The following SYCP2 variants were observed in gnomAD, a reference collection of about 807,000 sequenced individuals.
SYCP2 encodes synaptonemal complex lateral element protein.
In SYCP2, 55 loss-of-function variants were observed where a neutral mutation model predicts 211.3. The observed-to-expected ratio is 0.26, with a 90% CI of 0.21 to 0.33. The LOEUF (loss-of-function observed/expected upper bound fraction) is 0.33. Ranked by LOEUF, SYCP2 falls within the 10% of genes least tolerant of loss-of-function variation. The pLI is 1.00. For missense variants in SYCP2, 1,731 were observed against 1,752.0 expected (o/e 0.99, Z 0.21); for synonymous variants, 570 against 555.2 (o/e 1.03, Z -0.37).
At position 59,880,974 on chromosome 20, in the gene SYCP2, C is replaced by T; in HGVS notation, c.2764G>A (p.Asp922Asn). 6.8e-7 allele frequency: 1 copy of T among 1,464,474 alleles called. No homozygotes were observed. Among genetic ancestry groups the T allele is most frequent in the Admixed American group, 1.8e-5 (1 of 54,388 alleles). 90.7% of individuals were successfully genotyped at this position (1,464,474 alleles called of 1,614,324 possible). Residue 922 changes from aspartate (D) to asparagine (N), a missense_variant, in exon 30 of 45, where the codon GAT becomes AAT. This residue lies in a region of SYCP2 where 1,387 missense variants were observed against 1,351.3 expected (regional missense o/e 1.03). Transcript: ENST00000357552. The stretch of plus-strand genomic sequence containing the variant: ...GAGATATTATAACTTACTTTTTTAT[C>T]TTTTGTTTTGACAGAAGATTTAAGT... ...DELKSSVKTK[D>N]KKIITNHQKK... is the part of the protein sequence containing the mutation.
At chr20:59,880,516 T>TTATG in intron 30 of SYCP2, 45 bp from the exon 31 acceptor site, 1 of 1,193,676 alleles carries the variant, frequency 8.4e-7, no homozygotes, top group Non-Finnish European at 1.2e-6. Flanking sequence ...CTACATCTCA[T>TTATG]TATGTCATGC....
chr20:59,891,238 A>C (rs1366419371), intron 24 of SYCP2, among the ~76,000 whole-genome samples: 1 of 152,044 alleles, frequency 6.6e-6, no homozygotes, highest in Non-Finnish European at 1.5e-5. Context: ...AGAAATATCA[A>C]AAAGCAGATT....
intron 33 of SYCP2, among the ~76,000 whole-genome samples, chr20:59,875,779 T>C (rs2059542678): frequency 6.6e-6 from 1 of 152,112 alleles, no homozygotes; most frequent in African/African-American, 2.4e-5. Flanking sequence ...GTATTTGAGA[T>C]ACTAAGGAGT....
At chr20:59,882,737 T>C (rs1202965028) in intron 26 of SYCP2, among the ~76,000 whole-genome samples, 5 of 151,878 alleles carry the variant, frequency 3.3e-5, no homozygotes, top group Non-Finnish European at 5.9e-5. Context: ...GTGAATCTTA[T>C]GGAGATAGAG....
rs544508375 is a variant in SYCP2, at chr20:59,917,248, A to G, written c.428-677T>C. Among the ~76,000 whole-genome samples the G allele has an allele frequency of 3.3e-5, 5 of 152,292 alleles. No homozygotes were observed. In the East Asian group the frequency reaches 5.8e-4, roughly 18 times the overall value. On this transcript the variant is annotated intron_variant, in intron 7 of 44. Coordinates refer to ENST00000357552, the MANE Select transcript of SYCP2 (RefSeq NM_014258.4). ...ATACATCAAAAATTTTTATACCCAT[A>G]AAGACCAACACATCTTAACCCCAAT... is the stretch of plus-strand genomic sequence containing the variant.
chr20:59,922,426 T>TAAA lies in SYCP2; in HGVS notation c.-16_-14dup. 1.5e-5 allele frequency: 21 copies of TAAA among 1,428,066 alleles called. No individual in the cohort carries two copies. Among genetic ancestry groups the TAAA allele is most frequent in the Non-Finnish European group, 1.8e-5 (19 of 1,060,606 alleles). The allele number at this position is 1,428,066 out of a possible 1,614,324, so 88.5% of individuals were successfully genotyped here. On this transcript the variant is annotated 5_prime_UTR_variant, in exon 3 of 45. Transcript: ENST00000357552. ...GTCTTATTGGCATTTTGACTTCATT[T>TAAA]AAAAAAAAAAAAAAAGCAAGACAAA...
At chr20:59,883,753 GATGA>G (rs2059731539) in intron 26 of SYCP2, among the ~76,000 whole-genome samples, 1 of 151,912 alleles carries the variant, frequency 6.6e-6, no homozygotes, top group Admixed American at 6.6e-5. Context: ...AGATATGTAG[GATGA>G]ATAAGTCTAG....
chr20:59,932,483 C>A (rs185015810), intron 1 of SYCP2, among the ~76,000 whole-genome samples: 1 of 152,018 alleles, frequency 6.6e-6, no homozygotes, highest in South Asian at 2.1e-4. Flanking sequence ...CGAGACCAGC[C>A]GGGCCAACAT....
rs575780477 is a variant in SYCP2, at chr20:59,893,285, G to T, written c.1736-86C>A. 3.2e-4 allele frequency: 294 copies of T among 931,528 alleles called. 4 individuals carry two copies. The Admixed American group carries it at 6.7e-3, about 21-fold the overall frequency. 57.7% of individuals were successfully genotyped at this position (931,528 alleles called of 1,614,324 possible). Reference sequence around the variant, plus strand: ...GAGGTTAGTATAGAAATCTATAAAGGTTCACATATTGGGATGAACGGATTG... The same window carrying T: ...GAGGTTAGTATAGAAATCTATAAAGTTTCACATATTGGGATGAACGGATTG... On this transcript the variant is annotated intron_variant, in intron 21 of 44. Transcript: ENST00000357552.
chr20:59,894,587 A>AT (rs370946182), intron 20 of SYCP2, among the ~76,000 whole-genome samples: 49 of 152,172 alleles, frequency 3.2e-4, no homozygotes, highest in African/African-American at 1.2e-3. Flanking sequence ...TTATGAACAT[A>AT]TTTATGCTAT....
intron 35 of SYCP2, among the ~76,000 whole-genome samples, chr20:59,872,986 T>C (rs1007120592): frequency 6.6e-6 from 1 of 152,118 alleles, no homozygotes; most frequent in Admixed American, 6.6e-5. Context: ...AGTAAATATA[T>C]ATTGAAAAGA....
chr20:59,870,015 G>A, intron 35 of SYCP2, 32 bp from the exon 36 acceptor site: 2 of 1,440,366 alleles, frequency 1.4e-6, no homozygotes, highest in East Asian at 2.4e-5. Flanking sequence ...AACCCAATAA[G>A]AAGTTACAAA....
chr20:59,877,955 G>A, intron 32 of SYCP2, 53 bp downstream of exon 32: 7 of 1,375,382 alleles, frequency 5.1e-6, no homozygotes, highest in Non-Finnish European at 7.1e-6. Flanking sequence ...ATTTTTATAT[G>A]GCAAGAAAAA....
chr20:59,900,770 T>G lies in SYCP2; in HGVS notation c.1231A>C (p.Ile411Leu). ...GISVAKTSLH[I>L]LFDASGSQIL... ...TGTGATCCACTTGCGTCAAAAAGTA[T>G]ATGCAGCGACGTTTTGGCAACTGAA... Residue 411 changes from isoleucine to leucine, a missense_variant, in exon 17 of 45, where the codon ATA becomes CTA. By Grantham distance (5) the Ile-to-Leu change is conservative. This residue lies in a region of SYCP2 where 1,387 missense variants were observed against 1,351.3 expected (regional missense o/e 1.03). Coordinates refer to ENST00000357552, the MANE Select transcript of SYCP2 (RefSeq NM_014258.4). The G allele has an allele frequency of 6.2e-7, 1 of 1,613,012 alleles. No individual in the cohort carries two copies. The highest frequency in any genetic ancestry group is 8.5e-7 in the Non-Finnish European group (1 of 1,179,318).
chr20:59,931,789 G>C (rs1323832316), intron 2 of SYCP2, among the ~76,000 whole-genome samples: 1 of 151,838 alleles, frequency 6.6e-6, no homozygotes, highest in Non-Finnish European at 1.5e-5. Flanking sequence ...TGAATAATCA[G>C]GTTACACACA....
intron 18 of SYCP2, among the ~76,000 whole-genome samples, chr20:59,899,207 A>T (rs2060069409): frequency 6.6e-6 from 1 of 152,172 alleles, no homozygotes; most frequent in South Asian, 2.1e-4. Flanking sequence ...AGATACTATG[A>T]AAGAATAATC....
intron 10 of SYCP2, among the ~76,000 whole-genome samples, chr20:59,914,568 G>C (rs751090167): frequency 5.9e-5 from 9 of 151,970 alleles, no homozygotes; most frequent in Admixed American, 2.6e-4. Flanking sequence ...ACAGTTGTCT[G>C]TAAGTTACAA....
chr20:59,870,049 A>C (rs1008049915), intron 35 of SYCP2, 66 bp from the exon 36 acceptor site: 5 of 1,046,714 alleles, frequency 4.8e-6, no homozygotes, highest in Non-Finnish European at 6.6e-6. Context: ...CCCCACTTCA[A>C]AAAGAGTTGA....
chr20:59,880,704 A>G (rs908817890), intron 30 of SYCP2, among the ~76,000 whole-genome samples: 3 of 151,816 alleles, frequency 2.0e-5, no homozygotes, highest in Non-Finnish European at 3.0e-5. Flanking sequence ...GATGTTGTTA[A>G]TTCAAAGTTA....
Sources: allele counts gnomAD v4.1 joint callset (sites outside exome capture counted in the v4.1 genomes callset), GRCh38; gene constraint gnomAD v4.1.1; regional missense constraint gnomAD v4.1.1; transcripts MANE v1.5; gene names NCBI Gene and HGNC (gene_info 2026-07-23, HGNC 2026-07-21).